FBXO34: variants seen among roughly 807,000 people sequenced by gnomAD.
FBXO34 encodes the protein F-box only protein 34.
A neutral mutation model predicts 24.5 loss-of-function variants in FBXO34; 12 were observed. The ratio of observed to expected loss-of-function variants is 0.49; its 90% CI spans 0.31 to 0.79. The LOEUF (loss-of-function observed/expected upper bound fraction) is 0.79, where lower values mean the gene tolerates loss of function less well. FBXO34 is among the 30% of genes least tolerant of loss of function. The probability of loss-of-function intolerance (pLI) is 0.04; values close to 1 mark genes in which losing one functional copy is unlikely to be tolerated. For synonymous variants in FBXO34, 320 were observed against 311.9 expected (o/e 1.03, Z -0.27); for missense variants, 823 against 857.7 (o/e 0.96, Z 0.51).
the FBXO34 span, chr14:55,440,442 T>C: frequency 5.0e-6 from 8 of 1,612,784 alleles, no homozygotes; most frequent in Admixed American, 1.2e-4. Context: ...GGTCTCCTCC[T>C]GCTCCATGGA....
the FBXO34 span, among the ~76,000 whole-genome samples, chr14:55,390,416 C>T: frequency 1.3e-5 from 2 of 150,814 alleles, no homozygotes; most frequent in African/African-American, 4.9e-5. Flanking sequence ...GCTCTGTGCC[C>T]AGGCTGGAGT....
the FBXO34 span, among the ~76,000 whole-genome samples, chr14:55,427,619 G>A: frequency 7.2e-5 from 11 of 152,124 alleles, no homozygotes; most frequent in South Asian, 4.2e-4. Flanking sequence ...TAGCCCAGGT[G>A]TATATCTTGG....
At chr14:55,310,819 A>G (rs1348600111) in intron 1 of FBXO34, among the ~76,000 whole-genome samples, 4 of 152,164 alleles carry the variant, frequency 2.6e-5, no homozygotes, top group African/African-American at 4.8e-5. Flanking sequence ...TAAACATCCT[A>G]TGATGACCAT....
At chr14:55,321,562 A>G (rs888846693) in intron 1 of FBXO34, among the ~76,000 whole-genome samples, 1 of 152,076 alleles carries the variant, frequency 6.6e-6, no homozygotes, top group African/African-American at 2.4e-5. Flanking sequence ...ACCCCCGGCT[A>G]AGTTTCATAT....
the FBXO34 span, among the ~76,000 whole-genome samples, chr14:55,418,733 C>T: frequency 3.3e-5 from 5 of 152,102 alleles, no homozygotes; most frequent in African/African-American, 4.8e-5. Flanking sequence ...AATAAATAAG[C>T]GTTTTCCTGA....
chr14:55,344,069 T>C (rs912772769), intron 1 of FBXO34, among the ~76,000 whole-genome samples: 3 of 152,200 alleles, frequency 2.0e-5, no homozygotes, highest in Admixed American at 2.0e-4. Context: ...GGTTCACTAT[T>C]CTATCTCCCC....
At chr14:55,380,875 A>ATATTTTTT in the FBXO34 span, among the ~76,000 whole-genome samples, 1 of 112,728 alleles carries the variant, frequency 8.9e-6, no homozygotes, top group Non-Finnish European at 1.7e-5. Flanking sequence ...ATATATATAT[A>ATATTTTTT]TTTTTTTTTT....
At chr14:55,361,077 A>C (rs551525569) in intron 3 of FBXO34, among the ~76,000 whole-genome samples, 3 of 152,314 alleles carry the variant, frequency 2.0e-5, no homozygotes, top group Admixed American at 2.0e-4. Flanking sequence ...AGAATGGCGA[A>C]TCCATCCCAG....
At chr14:55,283,944 A>C (rs7155054) in intron 1 of FBXO34, among the ~76,000 whole-genome samples, 1 of 142,588 alleles carries the variant, frequency 7.0e-6, no homozygotes, top group Non-Finnish European at 1.5e-5. Context: ...TTCTAAGACT[A>C]TGTGTGTGTG....
Position 55,296,382 on chromosome 14 carries a change from GTTTTTTTTGTTT to G in FBXO34, c.-11+24854_-11+24865del, listed in dbSNP as rs1271301293. On this transcript the variant is annotated intron_variant, in intron 1 of 1. Coordinates refer to ENST00000313833, the MANE Select transcript of FBXO34 (RefSeq NM_017943.4). ...AGTGGGTAGGTTTTGCTGTTCTTGT[GTTTTTTTTGTTT>G]TTTTTTTTTTTTTTTTTTTTTGAGA... Among the ~76,000 whole-genome samples the G allele has an allele frequency of 2.4e-3, 230 of 95,812 alleles. 2 individuals carry two copies. The highest frequency in any genetic ancestry group is 0.012 in the Middle Eastern group (2 of 172). 62.9% of individuals were successfully genotyped at this position (95,812 alleles called of 152,430 possible). A position where few individuals can be genotyped will look rare whatever the true frequency, so the allele number is the denominator to read the frequency against.
downstream of FBXO34, among the ~76,000 whole-genome samples, chr14:55,374,281 A>G (rs1015479101): frequency 1.3e-5 from 2 of 152,198 alleles, no homozygotes; most frequent in Non-Finnish European, 2.9e-5. Context: ...GCTATTCACA[A>G]AAGTGATCAC....
chr14:55,351,745 A>G lies in FBXO34; in HGVS notation c.1355A>G (p.Glu452Gly), dbSNP rs375571003. ...LTSRNPDQRK[E>G]SLCISITVSK... ...AGCCGAAATCCTGATCAAAGAAAAGAATCTTTGTGCATTAGTATCACTGTG... is the reference window on the plus strand; with the variant it reads ...AGCCGAAATCCTGATCAAAGAAAAGGATCTTTGTGCATTAGTATCACTGTG... The change falls in exon 2 of 2, where the codon GAA becomes GGA. Residue 452 changes from glutamate to glycine, a missense_variant. Physicochemically the swap from Glu to Gly is moderately conservative, Grantham distance 98. Transcript: ENST00000313833. 3.1e-6 allele frequency: 5 copies of G among 1,614,208 alleles called. No individual in the cohort carries two copies.
chr14:55,295,927 T>A (rs557802039), intron 1 of FBXO34, among the ~76,000 whole-genome samples: 6 of 152,220 alleles, frequency 3.9e-5, no homozygotes, highest in Admixed American at 6.5e-5. Flanking sequence ...TTTTATTTGC[T>A]TTAGCTTCCC....
At chr14:55,282,021 A>G (rs1171402441) in intron 1 of FBXO34, among the ~76,000 whole-genome samples, 2 of 66,678 alleles carry the variant, frequency 3.0e-5, no homozygotes, top group African/African-American at 1.9e-4. Context: ...TTTTTGATAC[A>G]GAGTCTTATT....
the FBXO34 span, among the ~76,000 whole-genome samples, chr14:55,397,830 T>A: frequency 6.6e-6 from 1 of 152,176 alleles, no homozygotes; most frequent in South Asian, 2.1e-4. Flanking sequence ...TTCCTTATAA[T>A]AAATTTTTAA....
In FBXO34 at chr14:55,351,786, G is replaced by A; in HGVS notation, c.1396G>A (p.Asp466Asn). Residue 466 changes from aspartate to asparagine, a missense_variant, in exon 2 of 2, where the codon GAC (aspartate) becomes AAC (asparagine). Coordinates refer to ENST00000313833, the MANE Select transcript of FBXO34 (RefSeq NM_017943.4). The stretch of plus-strand genomic sequence containing the variant: ...TATCACTGTGTCCAAGGTAGACAAA[G>A]ACCAGCCTTCCATTTTAAACTCCTG... Reference protein sequence around the residue: ...ISITVSKVDKDQPSILNSCED... With the variant: ...ISITVSKVDKNQPSILNSCED... 1 of 1,614,202 alleles carries A rather than the reference G, an allele frequency of 6.2e-7. No individual in the cohort carries two copies. The highest frequency in any genetic ancestry group is 8.5e-7 in the Non-Finnish European group (1 of 1,180,054).
intron 1 of FBXO34, among the ~76,000 whole-genome samples, chr14:55,329,567 C>T (rs1303540495): frequency 2.0e-5 from 3 of 152,102 alleles, no homozygotes; most frequent in African/African-American, 7.2e-5. Context: ...GTTTAACTTT[C>T]TATTCAGTAG....
chr14:55,356,630 T>A (rs1053264081), downstream of FBXO34, among the ~76,000 whole-genome samples: 8 of 151,890 alleles, frequency 5.3e-5, no homozygotes, highest in African/African-American at 1.9e-4. Flanking sequence ...TTTTTTATTT[T>A]TTTATTTTTA....
chr14:55,351,918 C>T lies in FBXO34; in HGVS notation c.1528C>T (p.Gln510Ter). ...AACAAAAGAGTCTTCAGAGGCCAGC[C>T]AGCTTGAAGATGCTGCTGGGGGTGA... ...STTKESSEASQLEDAAGGDSA... is the reference protein window; with the variant it reads ...STTKESSEAS Residue 510 changes from glutamine to a stop codon, truncating the protein, a stop_gained, in exon 2 of 2, where the codon CAG (glutamine) becomes TAG (stop). Transcript: ENST00000313833. LOFTEE classifies it high-confidence loss of function. 6.2e-7 allele frequency: 1 copy of T among 1,614,146 alleles called. No individual in the cohort carries two copies. Among genetic ancestry groups the T allele is most frequent in the Non-Finnish European group, 8.5e-7 (1 of 1,180,044 alleles).
Sources: allele counts gnomAD v4.1 joint callset (sites outside exome capture counted in the v4.1 genomes callset), GRCh38; gene constraint gnomAD v4.1.1; transcripts MANE v1.5; gene names NCBI Gene and HGNC (gene_info 2026-07-23, HGNC 2026-07-21).